FRMPD4: variants seen among roughly 807,000 people sequenced by gnomAD.
FRMPD4 encodes the protein FERM and PDZ domain-containing protein 4.
Under a neutral mutation model 94.1 loss-of-function variants are expected in FRMPD4, and 22 were observed. The ratio of observed to expected loss-of-function variants is 0.23; its 90% CI spans 0.17 to 0.33. FRMPD4 has a LOEUF of 0.33. Among genes scored for constraint, FRMPD4 ranks in the 10% least tolerant of loss-of-function variants. The pLI is 1.00. For missense variants in FRMPD4, 1,111 were observed against 1,339.9 expected (o/e 0.83, Z 2.67); for synonymous variants, 631 against 548.6 (o/e 1.15, Z -2.10).
At chrX:12,025,970 TG>T (rs2054658984) in intron 3 of FRMPD4, among the ~76,000 whole-genome samples, 1 of 112,087 alleles carries the variant, frequency 8.9e-6, no homozygotes, top group African/African-American at 3.2e-5. Flanking sequence ...CTGCTCATTT[TG>T]GGGGTAATTT....
At chrX:11,839,666 G>T (rs1191503526) in intron 1 of FRMPD4, among the ~76,000 whole-genome samples, 1 of 111,182 alleles carries the variant, frequency 9.0e-6, no homozygotes, top group African/African-American at 3.3e-5. Flanking sequence ...TGTTTTATAG[G>T]TTTAGTTCTT....
chrX:12,424,490 T>A (rs1301040928), intron 1 of FRMPD4, among the ~76,000 whole-genome samples: 1 of 112,799 alleles, frequency 8.9e-6, no homozygotes, highest in Non-Finnish European at 1.9e-5. Flanking sequence ...ATGGTAAAAC[T>A]GAAATCTCTA....
intron 1 of FRMPD4, among the ~76,000 whole-genome samples, chrX:12,424,043 G>A (rs190283686): frequency 2.3e-4 from 26 of 112,362 alleles, no homozygotes; most frequent in African/African-American, 7.4e-4. Flanking sequence ...GGGCCATCTC[G>A]GGTTTTTAAT....
intron 2 of FRMPD4, among the ~76,000 whole-genome samples, chrX:12,564,686 T>C (rs1206984907): frequency 8.9e-6 from 1 of 111,910 alleles, no homozygotes; most frequent in Non-Finnish European, 1.9e-5. Flanking sequence ...ATTCCTATTA[T>C]AGCCCTGATT....
chrX:12,571,366 C>T (rs1365903187), intron 2 of FRMPD4, among the ~76,000 whole-genome samples: 8 of 112,519 alleles, frequency 7.1e-5, no homozygotes, highest in African/African-American at 2.3e-4. Context: ...TTTTTGTTAA[C>T]TGTGAATTTA....
intron 3 of FRMPD4, among the ~76,000 whole-genome samples, chrX:12,018,702 T>A (rs193203476): frequency 3.6e-5 from 4 of 111,472 alleles, no homozygotes; most frequent in African/African-American, 6.5e-5. Flanking sequence ...CAGGTGTGAG[T>A]CACCATTCCC....
At chrX:12,093,076 G>C (rs972623260) in intron 3 of FRMPD4, among the ~76,000 whole-genome samples, 1 of 111,395 alleles carries the variant, frequency 9.0e-6, no homozygotes, top group African/African-American at 3.3e-5. Flanking sequence ...AATTGTAGGA[G>C]TGGTAAGGAG....
At chrX:11,832,824 C>A (rs1198459134) in intron 1 of FRMPD4, among the ~76,000 whole-genome samples, 1 of 111,838 alleles carries the variant, frequency 8.9e-6, no homozygotes, top group Non-Finnish European at 1.9e-5. Flanking sequence ...TCGTTACAAT[C>A]AACCTACATG....
At chrX:12,321,660 C>G (rs186282580) in intron 1 of FRMPD4, among the ~76,000 whole-genome samples, 1 of 111,860 alleles carries the variant, frequency 8.9e-6, no homozygotes, top group East Asian at 2.8e-4. Context: ...CATTGTAAGT[C>G]TAAGAGTGTC....
At chrX:12,237,064 C>T (rs190580297) in intron 1 of FRMPD4, among the ~76,000 whole-genome samples, 7 of 111,964 alleles carry the variant, frequency 6.3e-5, no homozygotes, top group Non-Finnish European at 1.3e-4. Context: ...CCCTGATCTA[C>T]GCAATAGAAG....
chrX:12,003,530 A>G (rs2054535145), intron 3 of FRMPD4, among the ~76,000 whole-genome samples: 1 of 111,437 alleles, frequency 9.0e-6, no homozygotes, highest in Non-Finnish European at 1.9e-5. Context: ...CTCAGCCTCC[A>G]GAGTAGCTGG....
chrX:12,612,752 G>A (rs1036831281), intron 3 of FRMPD4, among the ~76,000 whole-genome samples: 6 of 112,420 alleles, frequency 5.3e-5, no homozygotes, highest in African/African-American at 1.9e-4. Context: ...TTTGATCAGC[G>A]TTTGATTGCT....
chrX:11,954,196 A>G (rs1410795521), intron 3 of FRMPD4, among the ~76,000 whole-genome samples: 1 of 112,885 alleles, frequency 8.9e-6, no homozygotes, highest in Non-Finnish European at 1.9e-5. Context: ...ATAAATTGCT[A>G]AATGCCTCTT....
intron 2 of FRMPD4, among the ~76,000 whole-genome samples, chrX:12,591,359 G>A (rs371914310): frequency 2.7e-5 from 3 of 112,008 alleles, no homozygotes; most frequent in African/African-American, 9.7e-5. Context: ...AGGCTGAGGA[G>A]GAGGAGAAAG....
intron 3 of FRMPD4, among the ~76,000 whole-genome samples, chrX:12,112,598 A>G: frequency 8.9e-6 from 1 of 111,776 alleles, no homozygotes. Flanking sequence ...AATGAGACCT[A>G]AAAACATAAC....
intron 3 of FRMPD4, among the ~76,000 whole-genome samples, chrX:12,013,917 C>G (rs1167727901): frequency 8.8e-6 from 1 of 113,053 alleles, no homozygotes; most frequent in East Asian, 2.8e-4. Flanking sequence ...TGAGAACTAA[C>G]CCTTATGGAA....
chrX:12,336,746 GA>G (rs1333974557), intron 1 of FRMPD4, among the ~76,000 whole-genome samples: 1 of 111,616 alleles, frequency 9.0e-6, no homozygotes, highest in Non-Finnish European at 1.9e-5. Flanking sequence ...ATCCCATGCT[GA>G]GCCTGAAAGG....
chrX:12,438,445 G>A (rs1282553456), intron 1 of FRMPD4, among the ~76,000 whole-genome samples: 2 of 108,397 alleles, frequency 1.8e-5, no homozygotes, highest in African/African-American at 6.7e-5. Flanking sequence ...AGACAGTGTT[G>A]GGGGAAAATT....
chrX:12,470,050 CACTTTGTAAAGGG>C (rs1484854152), intron 1 of FRMPD4, among the ~76,000 whole-genome samples: 2 of 111,957 alleles, frequency 1.8e-5, no homozygotes, highest in East Asian at 5.6e-4. Flanking sequence ...GGTGTGAAAA[CACTTTGTAAAGGG>C]AAAGCTGTGA....
Sources: allele counts gnomAD v4.1 joint callset (sites outside exome capture counted in the v4.1 genomes callset), GRCh38; gene constraint gnomAD v4.1.1; transcripts MANE v1.5; gene names NCBI Gene and HGNC (gene_info 2026-07-23, HGNC 2026-07-21).